KIF6: variants seen among roughly 807,000 people sequenced by gnomAD.
KIF6 encodes kinesin family member 6.
Under a neutral mutation model 112.7 loss-of-function variants are expected in KIF6, and 106 were observed. That is an observed-to-expected ratio of 0.94 (90% CI 0.80 to 1.11). The LOEUF is 1.11. Among genes scored for constraint, KIF6 ranks in the 50% least tolerant of loss-of-function variants. The pLI is 0.00. For missense variants in KIF6, 929 were observed against 964.0 expected (o/e 0.96, Z 0.48); for synonymous variants, 339 against 339.9 (o/e 1.00, Z 0.03).
chr6:39,503,381 A>T (rs1271948949), intron 13 of KIF6, among the ~76,000 whole-genome samples: 1 of 152,168 alleles, frequency 6.6e-6, no homozygotes, highest in Non-Finnish European at 1.5e-5. Flanking sequence ...TGCCCACATC[A>T]AAAAGCTAGA....
intron 3 of KIF6, among the ~76,000 whole-genome samples, chr6:39,661,819 A>G (rs1325816496): frequency 2.0e-5 from 3 of 152,114 alleles, no homozygotes; most frequent in East Asian, 1.9e-4. Context: ...ACCTCCCTCA[A>G]TCCTTCTCCA....
intron 3 of KIF6, among the ~76,000 whole-genome samples, chr6:39,644,076 G>C (rs922685507): frequency 4.0e-5 from 6 of 151,722 alleles, no homozygotes; most frequent in African/African-American, 1.2e-4. Context: ...CATATAAAAA[G>C]ATGCTCAACA....
chr6:39,440,955 A>C (rs1002115702), intron 13 of KIF6, among the ~76,000 whole-genome samples: 2 of 152,202 alleles, frequency 1.3e-5, no homozygotes, highest in Admixed American at 6.5e-5. Context: ...GACTGAATAC[A>C]TGCATGGAAT....
At chr6:39,556,912 T>C (rs1779734746) in intron 10 of KIF6, among the ~76,000 whole-genome samples, 1 of 152,202 alleles carries the variant, frequency 6.6e-6, no homozygotes, top group Admixed American at 6.5e-5. Context: ...GAACTTCTTT[T>C]TCTATGGTTC....
chr6:39,711,524 C>T (rs898089487), intron 3 of KIF6, among the ~76,000 whole-genome samples: 1 of 152,066 alleles, frequency 6.6e-6, no homozygotes, highest in Non-Finnish European at 1.5e-5. Context: ...GCATGCACCA[C>T]CATGCCCAGC....
At chr6:39,633,295 G>A (rs1051734743) in intron 5 of KIF6, among the ~76,000 whole-genome samples, 3 of 152,112 alleles carry the variant, frequency 2.0e-5, no homozygotes, top group Non-Finnish European at 4.4e-5. Flanking sequence ...AATGGGAAGA[G>A]CTAGGAATGA....
chr6:39,558,054 C>T (rs1397585901), intron 10 of KIF6, among the ~76,000 whole-genome samples: 4 of 151,392 alleles, frequency 2.6e-5, no homozygotes, highest in Non-Finnish European at 5.9e-5. Flanking sequence ...GTTTAAAAAA[C>T]TCAAAAGGTA....
Position 39,365,937 on chromosome 6 carries a change from C to T in KIF6, c.1862-3419G>A, listed in dbSNP as rs56312465. On this transcript the variant is annotated intron_variant, in intron 16 of 22. Coordinates refer to ENST00000287152, the MANE Select transcript of KIF6 (RefSeq NM_145027.6). Reference sequence around the variant, plus strand: ...AAGGTAGGGGGGACGGCCAGGGCGGCCTGCTTTTCCATTTAAAGGCTGCGG... The same window carrying T: ...AAGGTAGGGGGGACGGCCAGGGCGGTCTGCTTTTCCATTTAAAGGCTGCGG... Among the ~76,000 whole-genome samples, 245 of 152,322 alleles carry T rather than the reference C, an allele frequency of 1.6e-3. 1 individual carries two copies. The highest frequency in any genetic ancestry group is 5.4e-3 in the African/African-American group (223 of 41,570).
chr6:39,686,907 A>G (rs1347650914), intron 3 of KIF6, among the ~76,000 whole-genome samples: 1 of 152,236 alleles, frequency 6.6e-6, no homozygotes, highest in Non-Finnish European at 1.5e-5. Context: ...TGACATTTTA[A>G]TGATCCAAAG....
At chr6:39,427,099 T>C (rs1770825365) in intron 14 of KIF6, among the ~76,000 whole-genome samples, 1 of 152,174 alleles carries the variant, frequency 6.6e-6, no homozygotes, top group Non-Finnish European at 1.5e-5. Context: ...TGCTGAGGTC[T>C]ATTGGGAAGC....
At chr6:39,513,960 T>C (rs2150513974) in intron 13 of KIF6, among the ~76,000 whole-genome samples, 1 of 152,290 alleles carries the variant, frequency 6.6e-6, no homozygotes, top group East Asian at 1.9e-4. Flanking sequence ...TGATCAAAGA[T>C]TTGGCAACAA....
intron 3 of KIF6, among the ~76,000 whole-genome samples, chr6:39,704,821 T>C (rs2926471): frequency 0.33 from 49,439 of 152,104 alleles, 9,328 homozygotes; most frequent in Non-Finnish European, 0.41. Context: ...GTTAAGCACC[T>C]AACTTAGTCT....
chr6:39,629,847 C>T (rs1309474079), intron 5 of KIF6, among the ~76,000 whole-genome samples: 1 of 152,016 alleles, frequency 6.6e-6, no homozygotes, highest in Non-Finnish European at 1.5e-5. Flanking sequence ...TGACTCATTT[C>T]AAGTTAATTT....
intron 16 of KIF6, among the ~76,000 whole-genome samples, chr6:39,373,165 C>A (rs1766159682): frequency 6.6e-6 from 1 of 152,190 alleles, no homozygotes; most frequent in Non-Finnish European, 1.5e-5. Context: ...GCCTAATTTG[C>A]TCAAAGCAGC....
At chr6:39,346,124 T>TCTCTCTCC (rs1763759888) in intron 20 of KIF6, among the ~76,000 whole-genome samples, 1 of 70,264 alleles carries the variant, frequency 1.4e-5, no homozygotes, top group African/African-American at 7.3e-5. Flanking sequence ...TCCCTCTCCC[T>TCTCTCTCC]CCCTCTCCCT....
intron 3 of KIF6, among the ~76,000 whole-genome samples, chr6:39,714,192 T>C (rs1399781577): frequency 1.3e-5 from 2 of 152,162 alleles, no homozygotes; most frequent in African/African-American, 4.8e-5. Context: ...AGCCTAGAAT[T>C]AGCTAGATAT....
intron 13 of KIF6, among the ~76,000 whole-genome samples, chr6:39,463,856 G>T (rs1562240009): frequency 6.6e-6 from 1 of 152,032 alleles, no homozygotes; most frequent in African/African-American, 2.4e-5. Flanking sequence ...AAATAAGTTG[G>T]CTTGCTCCTC....
intron 13 of KIF6, among the ~76,000 whole-genome samples, chr6:39,538,374 AAAAC>A (rs1778572167): frequency 6.6e-6 from 1 of 151,932 alleles, no homozygotes; most frequent in African/African-American, 2.4e-5. Flanking sequence ...TTACAAGAAA[AAAAC>A]AAACAACCCC....
chr6:39,564,297 G>GT (rs1366044932), intron 10 of KIF6, among the ~76,000 whole-genome samples: 5 of 152,320 alleles, frequency 3.3e-5, no homozygotes, highest in Admixed American at 6.5e-5. Context: ...GGCAAAAGTC[G>GT]TAAGTATGCT....
Sources: allele counts gnomAD v4.1 joint callset (sites outside exome capture counted in the v4.1 genomes callset), GRCh38; gene constraint gnomAD v4.1.1; transcripts MANE v1.5; gene names NCBI Gene and HGNC (gene_info 2026-07-23, HGNC 2026-07-21).